The following RBFOX1 variants were observed in gnomAD, a reference collection of about 807,000 sequenced individuals.
RBFOX1 encodes the protein RNA binding fox-1 homolog 1.
In RBFOX1, 8 loss-of-function variants were observed where a neutral mutation model predicts 57.7. The ratio of observed to expected loss-of-function variants is 0.14; its 90% CI spans 0.08 to 0.25. The LOEUF (loss-of-function observed/expected upper bound fraction) is 0.25. RBFOX1 is among the 10% of genes least tolerant of loss of function. The pLI, the probability that RBFOX1 is intolerant of heterozygous loss-of-function variation, is 1.00. For synonymous variants in RBFOX1, 326 were observed against 222.4 expected, an observed-to-expected ratio of 1.47 and a Z score of -4.15; for missense variants, 611 against 548.5, an observed-to-expected ratio of 1.11 and a Z score of -1.14.
At chr16:7,571,876 C>G (rs2152776885) in intron 5 of RBFOX1, among the ~76,000 whole-genome samples, 1 of 152,316 alleles carries the variant, frequency 6.6e-6, no homozygotes, top group East Asian at 1.9e-4. Context: ...GGCCTGTAAT[C>G]CCAGCACTTT....
At chr16:5,856,259 A>ATG (rs1330405006) in intron 3 of RBFOX1, among the ~76,000 whole-genome samples, 1 of 35,152 alleles carries the variant, frequency 2.8e-5, no homozygotes, top group Admixed American at 4.4e-4. Flanking sequence ...ATGTATATAT[A>ATG]TGTATATATA....
At chr16:7,633,957 G>A (rs963766184) in intron 11 of RBFOX1, among the ~76,000 whole-genome samples, 2 of 152,236 alleles carry the variant, frequency 1.3e-5, no homozygotes, top group Non-Finnish European at 2.9e-5. Context: ...CCTGCAACAG[G>A]TCAGCTGGCA....
Position 7,411,077 on chromosome 16 carries a change from C to T in RBFOX1, c.28-107070C>T, listed in dbSNP as rs111341976. 3.2e-3 allele frequency among the ~76,000 whole-genome samples: 491 copies of T among 152,198 alleles called. 5 individuals are homozygous for T. The highest frequency in any genetic ancestry group is 0.011 in the African/African-American group (472 of 41,528). ...TCTTGTGCCTCAGCGTACCGAGTAGCTGGGACTACAGGCGTGAGCCACCAT... is the reference window on the plus strand; with the variant it reads ...TCTTGTGCCTCAGCGTACCGAGTAGTTGGGACTACAGGCGTGAGCCACCAT... On this transcript the variant is annotated intron_variant, in intron 4 of 15. Coordinates refer to ENST00000550418, the MANE Select transcript of RBFOX1 (RefSeq NM_018723.4).
At chr16:5,693,202 C>T (rs1199588414) in intron 3 of RBFOX1, among the ~76,000 whole-genome samples, 1 of 152,120 alleles carries the variant, frequency 6.6e-6, no homozygotes, top group African/African-American at 2.4e-5. Context: ...TTCTCTCCTG[C>T]CCATGGGCCC....
At chr16:7,447,430 C>CAAAAAAAAAAAAAAAAAAAAAA (rs202234230) in intron 4 of RBFOX1, among the ~76,000 whole-genome samples, 1 of 98,536 alleles carries the variant, frequency 1.0e-5, no homozygotes, top group African/African-American at 3.8e-5. Flanking sequence ...GAGTCTATCT[C>CAAAAAAAAAAAAAAAAAAAAAA]AAAAAAAAAA....
chr16:6,444,643 T>C (rs78909392), intron 2 of RBFOX1, among the ~76,000 whole-genome samples: 2 of 152,094 alleles, frequency 1.3e-5, no homozygotes, highest in African/African-American at 4.8e-5. Context: ...CTTTTTTTTT[T>C]CCTAGTCTTG....
At chr16:7,708,594 T>A (rs2083263697) in intron 14 of RBFOX1, among the ~76,000 whole-genome samples, 1 of 152,208 alleles carries the variant, frequency 6.6e-6, no homozygotes, top group Non-Finnish European at 1.5e-5. Context: ...GGACACTAAC[T>A]TCAGACAGGT....
intron 3 of RBFOX1, among the ~76,000 whole-genome samples, chr16:6,824,007 A>T (rs948942333): frequency 6.6e-6 from 1 of 152,238 alleles, no homozygotes; most frequent in South Asian, 2.1e-4. Flanking sequence ...CATGAATGAA[A>T]GTGTGGAGAA....
chr16:6,304,480 G>A (rs2079210727), intron 1 of RBFOX1, among the ~76,000 whole-genome samples: 1 of 152,094 alleles, frequency 6.6e-6, no homozygotes, highest in East Asian at 1.9e-4. Flanking sequence ...TAACGGAGGA[G>A]GAGGACACTT....
chr16:5,329,285 G>T (rs1011074530), intron 1 of RBFOX1, among the ~76,000 whole-genome samples: 1 of 152,152 alleles, frequency 6.6e-6, no homozygotes, highest in Admixed American at 6.5e-5. Flanking sequence ...AGCATGACTG[G>T]GGAGACCTCG....
intron 4 of RBFOX1, among the ~76,000 whole-genome samples, chr16:7,384,741 C>T (rs1020653781): frequency 6.6e-6 from 1 of 152,214 alleles, no homozygotes; most frequent in African/African-American, 2.4e-5. Flanking sequence ...ATGAGTCTCT[C>T]ATTCACTCAA....
At chr16:7,136,498 C>T (rs531957007) in intron 4 of RBFOX1, among the ~76,000 whole-genome samples, 2 of 149,766 alleles carry the variant, frequency 1.3e-5, no homozygotes, top group Admixed American at 1.3e-4. Flanking sequence ...CCTTAAACTC[C>T]TGGGCTAAAG....
chr16:5,430,460 G>A (rs1199883970), intron 1 of RBFOX1, among the ~76,000 whole-genome samples: 1 of 152,208 alleles, frequency 6.6e-6, no homozygotes, highest in Non-Finnish European at 1.5e-5. Context: ...GAGAGCTGGG[G>A]CTGGAGCTGG....
At chr16:6,505,440 G>C (rs2096064079) in intron 2 of RBFOX1, among the ~76,000 whole-genome samples, 1 of 152,138 alleles carries the variant, frequency 6.6e-6, no homozygotes, top group Non-Finnish European at 1.5e-5. Context: ...ACATCCAGGA[G>C]GAATGTGAAT....
At chr16:5,580,723 C>T (rs62016885) in intron 2 of RBFOX1, among the ~76,000 whole-genome samples, 43,574 of 152,010 alleles carry the variant, frequency 0.29, 6,594 homozygotes, top group Non-Finnish European at 0.34. Flanking sequence ...CACATAGAGG[C>T]CGAGAGGTGG....
At chr16:6,753,386 T>C (rs1249715451) in intron 3 of RBFOX1, among the ~76,000 whole-genome samples, 1 of 152,230 alleles carries the variant, frequency 6.6e-6, no homozygotes, top group African/African-American at 2.4e-5. Flanking sequence ...AGTCAACACA[T>C]AGACTGAGAT....
At chr16:7,568,123 A>G (rs1202772075) in intron 5 of RBFOX1, among the ~76,000 whole-genome samples, 3 of 152,138 alleles carry the variant, frequency 2.0e-5, no homozygotes, top group African/African-American at 7.2e-5. Flanking sequence ...TCTCACACAA[A>G]AAGAATTCGA....
chr16:6,942,273 C>G (rs1244197121), intron 3 of RBFOX1, among the ~76,000 whole-genome samples: 2 of 152,184 alleles, frequency 1.3e-5, no homozygotes, highest in Admixed American at 6.6e-5. Context: ...GAGTGAGACT[C>G]CATCTCACAA....
intron 4 of RBFOX1, among the ~76,000 whole-genome samples, chr16:5,949,154 T>C (rs745540836): frequency 1.1e-4 from 16 of 152,270 alleles, no homozygotes; most frequent in Middle Eastern, 3.4e-3. Context: ...ATAACCAGCA[T>C]ACCATTAGCT....
Sources: gnomAD v4.1 joint callset for allele counts (sites outside exome capture counted in the v4.1 genomes callset) on GRCh38, gnomAD v4.1.1 for gene constraint, MANE v1.5 for transcripts, NCBI Gene and HGNC (gene_info 2026-07-23, HGNC 2026-07-21) for gene names.